CLCF1: variants seen among roughly 807,000 people sequenced by gnomAD.
CLCF1 encodes the protein cardiotrophin-like cytokine factor 1.
Under a neutral mutation model 21.2 loss-of-function variants are expected in CLCF1, and 10 were observed. The observed-to-expected ratio is 0.47, with a 90% CI of 0.29 to 0.80. The LOEUF (loss-of-function observed/expected upper bound fraction) is 0.80, where lower values mean the gene tolerates loss of function less well. Ranked by LOEUF, CLCF1 falls within the 30% of genes least tolerant of loss-of-function variation. The pLI is 0.09. For missense variants in CLCF1, 240 were observed against 293.4 expected, an observed-to-expected ratio of 0.82 and a Z score of 1.33; for synonymous variants, 115 against 120.5, an observed-to-expected ratio of 0.95 and a Z score of 0.30.
chr11:67,373,615 G>C (rs1419653274), upstream of CLCF1: 12 of 1,284,590 alleles, frequency 9.3e-6, no homozygotes, highest in African/African-American at 4.6e-5. Context: ...CCGCGGCTCC[G>C]GCGAAGCTTT....
rs1381032952 is a variant in CLCF1, at chr11:67,367,487, G to A, written c.156C>T (p.His52=). ...AGGTCCCAGCCAAGCTGCGGAGTTG[G>A]TGCTCCAGGTAGCGGGTGAGGTCAT... ...KTYDLTRYLE[H]QLRSLAGTYL... The change falls in exon 2 of 3, where the codon CAC becomes CAT. Residue 52 remains histidine (H), a synonymous_variant. Coordinates refer to ENST00000312438, the MANE Select transcript of CLCF1 (RefSeq NM_013246.3). The A allele has an allele frequency of 6.2e-7, 1 of 1,614,232 alleles. No individual in the cohort carries two copies. Among genetic ancestry groups the A allele is most frequent in the South Asian group, 1.1e-5 (1 of 91,088 alleles).
chr11:67,366,194 G>GAGTGGGTGGAGAGGAAGTGGAGGC (rs1300025179), intron 2 of CLCF1, among the ~76,000 whole-genome samples: 22 of 152,220 alleles, frequency 1.4e-4, no homozygotes, highest in Non-Finnish European at 2.6e-4. Context: ...GTTAAGAAGT[G>GAGTGGGTGGAGAGGAAGTGGAGGC]AGTGGGTGGA....
At chr11:67,371,488 G>A (rs1472419666) in intron 1 of CLCF1, among the ~76,000 whole-genome samples, 2 of 152,232 alleles carry the variant, frequency 1.3e-5, no homozygotes, top group South Asian at 2.1e-4. Context: ...GAGGCCCAGG[G>A]GAAGAAGCTG....
intron 1 of CLCF1, 102 bp downstream of exon 1, chr11:67,373,422 C>T (rs755597472): frequency 3.8e-4 from 233 of 610,050 alleles, no homozygotes; most frequent in Non-Finnish European, 5.5e-4. Context: ...CTCCCTGGCC[C>T]GGCCCCGGCG....
At chr11:67,367,894 A>C in intron 1 of CLCF1, 5 of 985,292 alleles carry the variant, frequency 5.1e-6, no homozygotes, top group Non-Finnish European at 6.0e-6. Flanking sequence ...GTCAGCTGAG[A>C]GAGTCTTTGG....
chr11:67,371,671 G>A (rs1197397889), intron 1 of CLCF1, among the ~76,000 whole-genome samples: 1 of 152,174 alleles, frequency 6.6e-6, no homozygotes, highest in African/African-American at 2.4e-5. Context: ...GAGAGCCAGA[G>A]GCAGGAGGAG....
At chr11:67,374,091 T>A, upstream of CLCF1, 2 of 986,108 alleles carry the variant, frequency 2.0e-6, no homozygotes, top group Non-Finnish European at 2.4e-6. Flanking sequence ...CTCTGCCTCC[T>A]CATCTCTAAC....
chr11:67,368,507 G>C (rs2134886139), intron 1 of CLCF1: 1 of 985,396 alleles, frequency 1.0e-6, no homozygotes, highest in African/African-American at 1.7e-5. Context: ...GGTGCTGTAA[G>C]GAGGGATGTG....
At chr11:67,368,975 ACT>A in intron 1 of CLCF1, 2 of 881,252 alleles carry the variant, frequency 2.3e-6, no homozygotes, top group Non-Finnish European at 2.6e-6. Flanking sequence ...CATATTTTAT[ACT>A]CTCAGATTTT....
At chr11:67,368,787 T>C (rs1862168830) in intron 1 of CLCF1, 1 of 985,018 alleles carries the variant, frequency 1.0e-6, no homozygotes, top group Admixed American at 6.2e-5. Flanking sequence ...GGCTGTGACT[T>C]GGTCGGTTTA....
At chr11:67,366,486 G>T (rs567048162) in intron 2 of CLCF1, among the ~76,000 whole-genome samples, 2 of 152,256 alleles carry the variant, frequency 1.3e-5, no homozygotes, top group East Asian at 3.9e-4. Flanking sequence ...AGGAAGAAAT[G>T]GAGGCAGTCT....
chr11:67,370,541 C>CCCCCGACCCCCTATCCTGG (rs1862208090), intron 1 of CLCF1: 16 of 958,338 alleles, frequency 1.7e-5, no homozygotes, highest in Non-Finnish European at 1.9e-5. Flanking sequence ...CCTGCAACAG[C>CCCCCGACCCCCTATCCTGG]CCCCCACCCC....
chr11:67,368,682 T>C (rs1318256121), intron 1 of CLCF1: 1 of 985,262 alleles, frequency 1.0e-6, no homozygotes, highest in Admixed American at 6.1e-5. Flanking sequence ...AGTTTCAGAT[T>C]AGTTTAGACT....
chr11:67,371,492 G>T (rs1451946721), intron 1 of CLCF1, among the ~76,000 whole-genome samples: 1 of 152,256 alleles, frequency 6.6e-6, no homozygotes, highest in Non-Finnish European at 1.5e-5. Context: ...CCCAGGGGAA[G>T]AAGCTGAGGG....
rs1267840354 is a variant in CLCF1, at chr11:67,372,837, G to A, written c.16+687C>T. Among the ~76,000 whole-genome samples, 7 of 149,720 alleles carry A rather than the reference G, an allele frequency of 4.7e-5. No homozygotes were observed. Among genetic ancestry groups the A allele is most frequent in the East Asian group, 4.0e-4 (2 of 5,006 alleles). On this transcript the variant is annotated intron_variant, in intron 1 of 2. Transcript: ENST00000312438. This position sits in a 1 kb window ranked among gnomAD's most constrained non-coding sequence, Gnocchi z 5.9. ...ACTCCCAGGCCACGGTGGCCCGGGG[G>A]ACTCGCGGCCGCCGCCCGCCGCCCC...
intron 1 of CLCF1, chr11:67,370,590 G>C: frequency 1.0e-6 from 1 of 956,212 alleles, no homozygotes; most frequent in Non-Finnish European, 1.2e-6. Context: ...CTGGGCCCTA[G>C]GAACCAAGGC....
At chr11:67,366,582 T>G (rs1862102373) in intron 2 of CLCF1, among the ~76,000 whole-genome samples, 1 of 151,734 alleles carries the variant, frequency 6.6e-6, no homozygotes, top group African/African-American at 2.4e-5. Context: ...GGGGAGCGGC[T>G]GGGGCCCAGG....
At position 67,372,822 on chromosome 11, in the gene CLCF1, C is replaced by T. The variant is rs983321233; in HGVS notation, c.16+702G>A. Reference sequence around the variant, plus strand: ...CGCCAAACAATAATCACTCCCAGGCCACGGTGGCCCGGGGGACTCGCGGCC... The same window carrying T: ...CGCCAAACAATAATCACTCCCAGGCTACGGTGGCCCGGGGGACTCGCGGCC... On this transcript the variant is annotated intron_variant, in intron 1 of 2. Transcript: ENST00000312438. The surrounding 1 kb of genome is among the most constrained non-coding windows in gnomAD (Gnocchi z 5.9). Among the ~76,000 whole-genome samples, 10 of 150,168 alleles carry T rather than the reference C, an allele frequency of 6.7e-5. No homozygotes were observed. The highest frequency in any genetic ancestry group is 2.4e-4 in the African/African-American group (10 of 41,220).
At chr11:67,373,769 C>T, upstream of CLCF1, 1 of 1,125,278 alleles carries the variant, frequency 8.9e-7, no homozygotes, top group South Asian at 4.3e-5. Flanking sequence ...AGCGGCCCTC[C>T]CCGGGGTGGG....
Sources: gnomAD v4.1 joint callset for allele counts (sites outside exome capture counted in the v4.1 genomes callset) on GRCh38, gnomAD v4.1.1 for gene constraint, Gnocchi (gnomAD v3.1) non-coding constraint, MANE v1.5 for transcripts, NCBI Gene and HGNC (gene_info 2026-07-23, HGNC 2026-07-21) for gene names.